CUL2: variants seen among roughly 807,000 people sequenced by gnomAD.
CUL2 encodes cullin-2.
Under a neutral mutation model 110.2 loss-of-function variants are expected in CUL2, and 22 were observed. The ratio of observed to expected loss-of-function variants is 0.20; its 90% CI spans 0.14 to 0.28. The LOEUF (loss-of-function observed/expected upper bound fraction) is 0.28, where lower values mean the gene tolerates loss of function less well. CUL2 is among the 10% of genes least tolerant of loss of function. The probability of loss-of-function intolerance (pLI) is 1.00; values close to 1 mark genes in which losing one functional copy is unlikely to be tolerated. For synonymous variants in CUL2, 279 were observed against 293.2 expected (o/e 0.95, Z 0.49); for missense variants, 631 against 905.5 (o/e 0.70, Z 3.89).
chr10:35,123,409 G>A (rs1383280576), intron 1 of CUL2, among the ~76,000 whole-genome samples: 1 of 151,980 alleles, frequency 6.6e-6, no homozygotes, highest in Admixed American at 6.6e-5. Context: ...CACCAGAGCT[G>A]TATCTAAGGA....
rs750750129 is a variant in CUL2, at chr10:35,028,904, A to G, written c.1540-17T>C. On this transcript the variant is annotated splice_polypyrimidine_tract_variant and intron_variant, in intron 15 of 20. Coordinates refer to ENST00000374749, the MANE Select transcript of CUL2 (RefSeq NM_003591.4). ...CGCACCAGCCTAGAAGGAAAAAAAT[A>G]AAATAAAATAAGCTAAATGGATCAA... 1 of 1,507,938 alleles carries G rather than the reference A, an allele frequency of 6.6e-7. No homozygotes were observed. The highest frequency in any genetic ancestry group is 9.1e-7 in the Non-Finnish European group (1 of 1,098,468). The allele number at this position is 1,507,938 out of a possible 1,614,324, so 93.4% of individuals were successfully genotyped here. A position where few individuals can be genotyped will look rare whatever the true frequency, so the allele number is the denominator to read the frequency against.
intron 1 of CUL2, chr10:35,074,031 G>A: frequency 1.4e-6 from 1 of 737,334 alleles, no homozygotes; most frequent in Non-Finnish European, 2.4e-6. Context: ...GCTCTAGGCT[G>A]CTGTGTGCAA....
chr10:35,071,580 ATTTT>A lies in CUL2; in HGVS notation c.-22-245_-22-242del, dbSNP rs768059806. ...CCACCATGCCCAGCTAATTTTTTGT[ATTTT>A]TTTTTAGTAGAGACGGGGTTTCACT... is the stretch of plus-strand genomic sequence containing the variant. On this transcript the variant is annotated intron_variant, in intron 1 of 20. Transcript: ENST00000374749. Among the ~76,000 whole-genome samples the A allele has an allele frequency of 7.0e-4, 105 of 150,796 alleles. 1 individual carries two copies. The highest frequency in any genetic ancestry group is 1.3e-3 in the Non-Finnish European group (89 of 67,584).
intron 16 of CUL2, among the ~76,000 whole-genome samples, chr10:35,027,515 T>G (rs552743049): frequency 6.2e-4 from 94 of 152,334 alleles, no homozygotes; most frequent in African/African-American, 2.1e-3. Flanking sequence ...TAAGATTGAC[T>G]GGCCTAAAGT....
intron 1 of CUL2, among the ~76,000 whole-genome samples, chr10:35,075,562 G>T (rs566106233): frequency 6.6e-6 from 1 of 151,434 alleles, no homozygotes; most frequent in South Asian, 2.1e-4. Context: ...TAGTTTCCTT[G>T]TGAGTTCCAC....
At chr10:35,103,883 T>C (rs1032578690) in intron 1 of CUL2, among the ~76,000 whole-genome samples, 22 of 151,800 alleles carry the variant, frequency 1.4e-4, no homozygotes, top group African/African-American at 5.3e-4. Flanking sequence ...CAATAAAATG[T>C]AACCTCTCCA....
chr10:35,090,264 G>T lies in CUL2; in HGVS notation c.-108C>A. 1 of 157,624 alleles carries T rather than the reference G, an allele frequency of 6.3e-6. No homozygotes were observed. Among genetic ancestry groups the T allele is most frequent in the South Asian group, 1.7e-4 (1 of 5,754 alleles). 9.8% of individuals were successfully genotyped at this position (157,624 alleles called of 1,614,324 possible). ...TGAAAGACGAAGCCCCGGCGAGGAA[G>T]GTGGGCGGAGGCGGCGGCGGCGGCG... On this transcript the variant is annotated 5_prime_UTR_variant, in exon 1 of 21. Transcript: ENST00000374749.
intron 1 of CUL2, among the ~76,000 whole-genome samples, chr10:35,122,687 GAGTGCAGT>G (rs918482437): frequency 1.8e-4 from 27 of 152,124 alleles, no homozygotes; most frequent in Admixed American, 1.0e-3. Flanking sequence ...GCCCAGGCTG[GAGTGCAGT>G]GGCACAATCT....
chr10:35,111,416 T>C lies in CUL2; in HGVS notation c.-50-10356A>G, dbSNP rs1589068525. ...ACAGGTGTGCACCACCACGCCTAAC[T>C]AAGATTTTCTATTCATTCTTTTTAT... On this transcript the variant is annotated intron_variant, in intron 1 of 5. Coordinates refer to the CUL2 transcript ENST00000685421. 4.6e-5 allele frequency among the ~76,000 whole-genome samples: 7 copies of C among 152,120 alleles called. No homozygotes were observed. The South Asian group carries it at 1.5e-3, about 32-fold the overall frequency.
At chr10:35,113,946 C>T (rs1003940661) in intron 1 of CUL2, among the ~76,000 whole-genome samples, 5 of 151,572 alleles carry the variant, frequency 3.3e-5, no homozygotes, top group East Asian at 1.9e-4. Flanking sequence ...CTCACTCTGT[C>T]GCTCAGGCTG....
chr10:35,018,910 C>A (rs2085115493), intron 17 of CUL2, among the ~76,000 whole-genome samples: 1 of 151,824 alleles, frequency 6.6e-6, no homozygotes, highest in African/African-American at 2.4e-5. Flanking sequence ...TCAGAATTAT[C>A]TGGATGGGAA....
Position 35,108,291 on chromosome 10 carries a change from C to CA in CUL2, c.-50-7232dup, listed in dbSNP as rs972665599. On this transcript the variant is annotated intron_variant, in intron 1 of 5. Coordinates refer to the CUL2 transcript ENST00000685421. ...GTGACATGATGAGATCCTGTCTCTT[C>CA]AAAAAAATAGAAAAAATTAGTGGGG... Among the ~76,000 whole-genome samples, 3 of 150,778 alleles carry CA rather than the reference C, an allele frequency of 2.0e-5. No individual in the cohort carries two copies. In the South Asian group the frequency reaches 6.3e-4, roughly 32 times the overall value.
intron 1 of CUL2, among the ~76,000 whole-genome samples, chr10:35,112,819 C>G (rs565430069): frequency 3.9e-5 from 6 of 152,026 alleles, no homozygotes; most frequent in African/African-American, 1.2e-4. Flanking sequence ...GATTAAAGGC[C>G]GTTCTTTACT....
intron 2 of CUL2, among the ~76,000 whole-genome samples, chr10:35,100,418 T>C (rs1186695845): frequency 6.6e-6 from 1 of 152,116 alleles, no homozygotes; most frequent in Non-Finnish European, 1.5e-5. Flanking sequence ...ATGGCCCCTA[T>C]TGCACTGTTT....
intron 1 of CUL2, among the ~76,000 whole-genome samples, chr10:35,101,680 G>A (rs974720508): frequency 6.6e-6 from 1 of 152,158 alleles, no homozygotes. Flanking sequence ...ATCAACTCTT[G>A]TAACTCTTCA....
At chr10:35,025,022 T>C in intron 17 of CUL2, 110 bp downstream of exon 17, 2 of 1,323,614 alleles carry the variant, frequency 1.5e-6, no homozygotes, top group Non-Finnish European at 9.7e-7. Flanking sequence ...GAAAGGTTGA[T>C]GGAGGAGAAA....
At chr10:35,094,849 C>A (rs1445588497), upstream of CUL2, among the ~76,000 whole-genome samples, 1 of 152,098 alleles carries the variant, frequency 6.6e-6, no homozygotes, top group South Asian at 2.1e-4. Context: ...CTGGGTAACC[C>A]TTTAAGTTAC....
At chr10:35,044,075 A>C in intron 8 of CUL2, among the ~76,000 whole-genome samples, 2 of 148,000 alleles carry the variant, frequency 1.4e-5, no homozygotes, top group Non-Finnish European at 1.5e-5. Flanking sequence ...AAAAAAAAAA[A>C]CACCTCACGT....
At chr10:35,057,967 G>A (rs988786471) in intron 4 of CUL2, among the ~76,000 whole-genome samples, 17 of 151,904 alleles carry the variant, frequency 1.1e-4, no homozygotes, top group Admixed American at 4.6e-4. Context: ...GTGTGGTGGC[G>A]CGTGCCAGTA....
Sources: gnomAD v4.1 joint callset for allele counts (sites outside exome capture counted in the v4.1 genomes callset) on GRCh38, gnomAD v4.1.1 for gene constraint, MANE v1.5 for transcripts, NCBI Gene and HGNC (gene_info 2026-07-23, HGNC 2026-07-21) for gene names.